The following ANK1 variants were observed in gnomAD, a reference collection of about 807,000 sequenced individuals.
The protein encoded by ANK1 is ankyrin 1, also known as ankyrin-1.
Under a neutral mutation model 210.4 loss-of-function variants are expected in ANK1, and 51 were observed. That is an observed-to-expected ratio of 0.24 (90% CI 0.19 to 0.31). The LOEUF is 0.31. Ranked by LOEUF, ANK1 falls within the 10% of genes least tolerant of loss-of-function variation. ANK1 has a pLI of 1.00. For synonymous variants in ANK1, 967 were observed against 1,025.9 expected, an observed-to-expected ratio of 0.94 and a Z score of 1.10; for missense variants, 2,051 against 2,504.4, an observed-to-expected ratio of 0.82 and a Z score of 3.86.
chr8:41,689,412 G>A (rs1818648603), intron 33 of ANK1, among the ~76,000 whole-genome samples: 1 of 151,960 alleles, frequency 6.6e-6, no homozygotes, highest in Admixed American at 6.6e-5. Context: ...ACAGGCATGA[G>A]CCTCTGCGCC....
intron 2 of ANK1, among the ~76,000 whole-genome samples, chr8:41,754,974 G>T (rs985139993): frequency 2.0e-5 from 3 of 152,228 alleles, no homozygotes; most frequent in Admixed American, 6.5e-5. Context: ...AGCAGCAAGG[G>T]GCTTTGCACT....
chr8:41,717,016 G>A lies in ANK1; in HGVS notation c.1341C>T (p.Ala447=), dbSNP rs768336827. 46 of 1,614,230 alleles carry A rather than the reference G, an allele frequency of 2.8e-5. 1 individual carries two copies. The Admixed American group carries it at 3.7e-4, about 13-fold the overall frequency. Residue 447 remains alanine, a synonymous_variant, in exon 13 of 43, where the codon GCC becomes GCT. Transcript: ENST00000289734. The stretch of plus-strand genomic sequence containing the variant: ...AATATTTGGCCACTTCCGTGTGCCC[G>A]GCTCTGGCTGCCATGTGTAGCGGGG... ...VETPLHMAAR[A]GHTEVAKYLL...
At chr8:41,748,505 C>A (rs1245532717) in intron 2 of ANK1, among the ~76,000 whole-genome samples, 2 of 152,220 alleles carry the variant, frequency 1.3e-5, no homozygotes, top group South Asian at 4.1e-4. Flanking sequence ...CCTCCCCGAA[C>A]TGCCCCCTGC....
At chr8:41,810,149 C>A (rs1802270339) in intron 1 of ANK1, among the ~76,000 whole-genome samples, 1 of 152,220 alleles carries the variant, frequency 6.6e-6, no homozygotes, top group South Asian at 2.1e-4. Flanking sequence ...AAGGGTCATT[C>A]TCCAACCTGA....
chr8:41,665,146 A>G, intron 39 of ANK1: 1 of 1,537,026 alleles, frequency 6.5e-7, no homozygotes. Context: ...CCCCCTCCCT[A>G]TCTCTCTGGT....
At chr8:41,774,685 G>A (rs893850412) in intron 1 of ANK1, among the ~76,000 whole-genome samples, 9 of 152,258 alleles carry the variant, frequency 5.9e-5, no homozygotes, top group South Asian at 2.1e-4. Flanking sequence ...GCTGAGGGTG[G>A]GAAGATATTG....
At chr8:41,661,802 T>G (rs1423173525) in intron 41 of ANK1, 74 bp downstream of exon 41, 1 of 1,613,640 alleles carries the variant, frequency 6.2e-7, no homozygotes, top group African/African-American at 1.3e-5. Context: ...CCTCAGTACC[T>G]TGGAGTGTTT....
intron 1 of ANK1, among the ~76,000 whole-genome samples, chr8:41,796,145 T>C (rs1848693740): frequency 6.6e-6 from 1 of 152,182 alleles, no homozygotes; most frequent in Admixed American, 6.5e-5. Flanking sequence ...CAAGCCTCTG[T>C]CCCCTTTGCT....
chr8:41,851,029 C>A (rs570973742), intron 1 of ANK1, among the ~76,000 whole-genome samples: 20 of 152,286 alleles, frequency 1.3e-4, no homozygotes, highest in Non-Finnish European at 2.1e-4. Context: ...AAAGAAGGCA[C>A]CTCCCCAGAA....
intron 37 of ANK1, among the ~76,000 whole-genome samples, chr8:41,682,413 G>A (rs191931212): frequency 4.4e-4 from 67 of 152,342 alleles, no homozygotes; most frequent in Admixed American, 1.3e-3. Flanking sequence ...AATTCCCCGC[G>A]TGGCTCTCCT....
At position 41,718,115 on chromosome 8, in the gene ANK1, C is replaced by A; in HGVS notation, c.1197G>T (p.Ala399=). The stretch of plus-strand genomic sequence containing the variant: ...CTGCAGTCTCTCCTACCTCGGTGAC[C>A]GCGTCGATCGAGGCTCCCGTCTTCA... ...LLLKTGASID[A]VTESGLTPLH... Residue 399 remains alanine (A), a synonymous_variant, in exon 11 of 43, where the codon GCG becomes GCT. Coordinates refer to ENST00000289734, the MANE Select transcript of ANK1 (RefSeq NM_000037.4). The A allele has an allele frequency of 1.9e-6, 3 of 1,613,872 alleles. No individual in the cohort carries two copies. Among genetic ancestry groups the A allele is most frequent in the Non-Finnish European group, 2.5e-6 (3 of 1,179,968 alleles).
intron 2 of ANK1, among the ~76,000 whole-genome samples, chr8:41,740,137 C>G (rs1834397938): frequency 6.8e-6 from 1 of 146,960 alleles, no homozygotes; most frequent in Non-Finnish European, 1.5e-5. Flanking sequence ...TCGACCCCTG[C>G]TTGTTTTTTT....
In ANK1 at chr8:41,694,197, T is replaced by G. The variant is rs1305007718; in HGVS notation, c.3328-95A>C. 6 of 1,346,004 alleles carry G rather than the reference T, an allele frequency of 4.5e-6. No homozygotes were observed. Among genetic ancestry groups the G allele is most frequent in the Non-Finnish European group, 6.2e-6 (6 of 969,918 alleles). The allele number at this position is 1,346,004 out of a possible 1,614,324, so 83.4% of individuals were successfully genotyped here. A position where few individuals can be genotyped will look rare whatever the true frequency, so the allele number is the denominator to read the frequency against. On this transcript the variant is annotated intron_variant, in intron 28 of 42. Coordinates refer to ENST00000289734, the MANE Select transcript of ANK1 (RefSeq NM_000037.4). This position sits in a 1 kb window ranked among gnomAD's most constrained non-coding sequence, Gnocchi z 5.7. ...CATGCCTGGTGAGAGTGGCCGTCAG[T>G]GCACGGGGTCCCGCCCTGCTGTTGG...
At chr8:41,706,494 A>T (rs1244184319) in intron 17 of ANK1, among the ~76,000 whole-genome samples, 1 of 152,222 alleles carries the variant, frequency 6.6e-6, no homozygotes, top group East Asian at 1.9e-4. Flanking sequence ...TCTCTATATG[A>T]CTAACATTTA....
intron 1 of ANK1, among the ~76,000 whole-genome samples, chr8:41,785,695 CT>C (rs977113549): frequency 3.9e-5 from 6 of 152,228 alleles, no homozygotes; most frequent in Non-Finnish European, 8.8e-5. Context: ...GTCTCCATCA[CT>C]TCCGGGCCTG....
intron 1 of ANK1, among the ~76,000 whole-genome samples, chr8:41,883,542 C>T (rs1817958102): frequency 6.6e-6 from 1 of 152,160 alleles, no homozygotes; most frequent in South Asian, 2.1e-4. Flanking sequence ...TCACTGCAGC[C>T]TCAACCTCCT....
intron 20 of ANK1, among the ~76,000 whole-genome samples, chr8:41,703,422 G>GTGTGTA (rs1286560913): frequency 2.2e-4 from 12 of 53,758 alleles, no homozygotes; most frequent in African/African-American, 5.0e-4. Flanking sequence ...GTGTGTGTGT[G>GTGTGTA]TATATATATA....
chr8:41,857,079 A>G (rs368114810), intron 1 of ANK1, among the ~76,000 whole-genome samples: 5 of 151,386 alleles, frequency 3.3e-5, no homozygotes, highest in Non-Finnish European at 5.9e-5. Flanking sequence ...GGGTTTCACC[A>G]TGTTGGTCAG....
At chr8:41,692,916 C>T (rs1038634295) in intron 30 of ANK1, 40 bp from the exon 31 acceptor site, 2 of 1,591,260 alleles carry the variant, frequency 1.3e-6, no homozygotes, top group Non-Finnish European at 1.7e-6. Flanking sequence ...AAGTGCCCAA[C>T]AGAGAGCATC....
Sources: gnomAD v4.1 joint callset for allele counts (sites outside exome capture counted in the v4.1 genomes callset) on GRCh38, gnomAD v4.1.1 for gene constraint, Gnocchi (gnomAD v3.1) non-coding constraint, MANE v1.5 for transcripts, NCBI Gene and HGNC (gene_info 2026-07-23, HGNC 2026-07-21) for gene names.